Variants in SMC2 observed in about 807,000 individuals in gnomAD.
The protein encoded by SMC2 is structural maintenance of chromosomes protein 2.
Under a neutral mutation model 142.6 loss-of-function variants are expected in SMC2, and 41 were observed. The ratio of observed to expected loss-of-function variants is 0.29; its 90% CI spans 0.22 to 0.37. The LOEUF is 0.37. SMC2 is among the 10% of genes least tolerant of loss of function. The pLI is 1.00. For synonymous variants in SMC2, 463 were observed against 457.5 expected, an observed-to-expected ratio of 1.01 and a Z score of -0.15; for missense variants, 1,265 against 1,373.7, an observed-to-expected ratio of 0.92 and a Z score of 1.25.
At chr9:104,105,653 A>G (rs1311345299) in intron 9 of SMC2, among the ~76,000 whole-genome samples, 2 of 152,092 alleles carry the variant, frequency 1.3e-5, no homozygotes, top group East Asian at 3.9e-4. Flanking sequence ...GTTTTGCCAC[A>G]GTTAAGTTAA....
rs113568977 is a variant in SMC2 at position 104,140,722 on chromosome 9, T to TAC, written c.*1408_*1409insCA. On this transcript the variant is annotated 3_prime_UTR_variant, in exon 25 of 25. Coordinates refer to ENST00000374793, the MANE Select transcript of SMC2 (RefSeq NM_006444.3). Reference sequence around the variant, plus strand: ...GTTACAGAAAGTCCAATGTCAAATATAGTTTTTTTGTTTCCTTTCAAATGT... The same window carrying TAC: ...GTTACAGAAAGTCCAATGTCAAATATACAGTTTTTTTGTTTCCTTTCAAATGT... 8,616 of 152,608 alleles carry TAC rather than the reference T, an allele frequency of 0.056. 650 individuals are homozygous for TAC. The highest frequency in any genetic ancestry group is 0.18 in the African/African-American group (7,433 of 41,476). The allele number at this position is 152,608 out of a possible 1,614,324, so 9.5% of individuals were successfully genotyped here.
intron 7 of SMC2, among the ~76,000 whole-genome samples, chr9:104,100,992 C>T (rs1831057243): frequency 6.6e-6 from 1 of 152,162 alleles, no homozygotes; most frequent in African/African-American, 2.4e-5. Context: ...GGCTGGAGTG[C>T]AGTGGTGTCA....
chr9:104,111,173 T>C (rs760279414), intron 9 of SMC2, among the ~76,000 whole-genome samples: 1 of 152,246 alleles, frequency 6.6e-6, no homozygotes, highest in Non-Finnish European at 1.5e-5. Context: ...TCAAATTTTA[T>C]GGCTCTTGAC....
chr9:104,116,345 A>ATGTT (rs2131416809), intron 14 of SMC2, 26 bp downstream of exon 14: 1 of 1,583,370 alleles, frequency 6.3e-7, no homozygotes, highest in Non-Finnish European at 8.6e-7. Context: ...TCTTATTTAT[A>ATGTT]TGTTTAATCG....
In SMC2 at chr9:104,138,296, A is replaced by G. The variant is rs538661548; in HGVS notation, c.3417+131A>G. Reference sequence around the variant, plus strand: ...ATACTAAAGCATTGTATATCTATTTAAATAGACTTATGTTTAAATAGGTAT... The same window carrying G: ...ATACTAAAGCATTGTATATCTATTTGAATAGACTTATGTTTAAATAGGTAT... On this transcript the variant is annotated intron_variant, in intron 24 of 24. Transcript: ENST00000374793. 74 of 669,790 alleles carry G rather than the reference A, an allele frequency of 1.1e-4. No homozygotes were observed. The South Asian group carries it at 2.1e-3, about 19-fold the overall frequency. The allele number at this position is 669,790 out of a possible 1,614,324, so 41.5% of individuals were successfully genotyped here.
At chr9:104,108,586 A>G (rs1490250174) in intron 9 of SMC2, among the ~76,000 whole-genome samples, 8 of 152,132 alleles carry the variant, frequency 5.3e-5, no homozygotes, top group South Asian at 2.1e-4. Context: ...GAGCAATTAC[A>G]TGTGTCCAAC....
At position 104,099,646 on chromosome 9, in the gene SMC2, C is replaced by T; in HGVS notation, c.444C>T (p.Gly148=). The T allele has an allele frequency of 6.4e-7, 1 of 1,569,020 alleles. No homozygotes were observed. The highest frequency in any genetic ancestry group is 8.8e-7 in the Non-Finnish European group (1 of 1,140,404). ...TAAGTTTGCTATTTTATTTTCAGGG[C>T]CGAATTACAAAAGTATTGAATATGA... ...VNNPHFLIMQ[G]RITKVLNMKP... is the part of the protein sequence containing the mutation. The change falls in exon 5 of 25, where the codon GGC becomes GGT. Residue 148 remains glycine, a splice_region_variant and synonymous_variant. Transcript: ENST00000374793.
At chr9:104,118,410 T>C (rs1833368851) in intron 15 of SMC2, 35 bp downstream of exon 15, 3 of 1,558,996 alleles carry the variant, frequency 1.9e-6, no homozygotes. Context: ...CACAATTCTT[T>C]GTGGTAAATA....
chr9:104,111,807 C>CCAAA lies in SMC2; in HGVS notation c.1250_1253dup (p.Ala419ThrfsTer16). ...GATATAAGTAAAGCTCAGACAGAAG[C>CCAAA]CAAACAGGTAAATAGAGACATTAGC... On this transcript the variant is annotated frameshift_variant, in exon 10 of 25. Coordinates refer to ENST00000374793, the MANE Select transcript of SMC2 (RefSeq NM_006444.3). LOFTEE classifies it high-confidence loss of function. The CCAAA allele has an allele frequency of 6.2e-7, 1 of 1,610,412 alleles. No individual in the cohort carries two copies. The highest frequency in any genetic ancestry group is 8.5e-7 in the Non-Finnish European group (1 of 1,177,842).
At chr9:104,103,544 G>T (rs1349833637) in intron 9 of SMC2, among the ~76,000 whole-genome samples, 1 of 152,214 alleles carries the variant, frequency 6.6e-6, no homozygotes, top group African/African-American at 2.4e-5. Flanking sequence ...GTAGCTGCAA[G>T]TAGGATAGGA....
rs373195767 is a variant in SMC2, at chr9:104,098,517, C to T, written c.390C>T (p.Leu130=). The change falls in exon 4 of 25, where the codon CTC becomes CTT. Residue 130 remains leucine, a synonymous_variant. Transcript: ENST00000374793. ...CCAACAACACCAGAGTACAGGATCT[C>T]TTCTGTTCTGTTGGCCTTAATGTTA... ...VNANNTRVQD[L]FCSVGLNVNN... The T allele has an allele frequency of 2.5e-5, 40 of 1,599,640 alleles. No homozygotes were observed. In the African/African-American group the frequency reaches 5.1e-4, roughly 21 times the overall value.
At chr9:104,132,913 T>C (rs1018490980) in intron 22 of SMC2, among the ~76,000 whole-genome samples, 1 of 151,710 alleles carries the variant, frequency 6.6e-6, no homozygotes, top group Non-Finnish European at 1.5e-5. Context: ...TCTAAACATA[T>C]CCTGCTCTTC....
In SMC2 at chr9:104,095,309, TTC is replaced by T; in HGVS notation, c.-61-13_-61-12del. ...TTACATTCCACTTAGGTGGTGGTAT[TTC>T]TGTTTCGTACAGAACTGGTTTGTGG... On this transcript the variant is annotated splice_polypyrimidine_tract_variant and intron_variant, in intron 1 of 24. Transcript: ENST00000374793. 8.3e-7 allele frequency: 1 copy of T among 1,211,024 alleles called. No individual in the cohort carries two copies. The highest frequency in any genetic ancestry group is 1.2e-6 in the Non-Finnish European group (1 of 850,298). 75.0% of individuals were successfully genotyped at this position (1,211,024 alleles called of 1,614,324 possible).
chr9:104,109,698 C>G (rs774537164), intron 9 of SMC2, among the ~76,000 whole-genome samples: 1 of 151,826 alleles, frequency 6.6e-6, no homozygotes, highest in Non-Finnish European at 1.5e-5. Flanking sequence ...TGGAGGTTTG[C>G]AACAATTTGA....
At chr9:104,110,402 A>G (rs1010053357) in intron 9 of SMC2, among the ~76,000 whole-genome samples, 5 of 152,170 alleles carry the variant, frequency 3.3e-5, no homozygotes, top group Non-Finnish European at 7.3e-5. Context: ...TGCTTTTAAT[A>G]TCTTTTTTCT....
At chr9:104,106,297 G>C (rs1373286552) in intron 9 of SMC2, among the ~76,000 whole-genome samples, 1 of 152,192 alleles carries the variant, frequency 6.6e-6, no homozygotes, top group African/African-American at 2.4e-5. Flanking sequence ...TCTTTCAAGG[G>C]TAGCATCAGG....
chr9:104,129,061 G>A (rs539807470), intron 20 of SMC2, among the ~76,000 whole-genome samples: 19 of 152,254 alleles, frequency 1.2e-4, no homozygotes, highest in Non-Finnish European at 2.2e-4. Context: ...GGTGCTTTGC[G>A]TATACTTCGT....
At chr9:104,122,470 G>GC (rs886646542) in intron 16 of SMC2, among the ~76,000 whole-genome samples, 1 of 143,106 alleles carries the variant, frequency 7.0e-6, no homozygotes, top group East Asian at 2.0e-4. Flanking sequence ...TATAAGTTTT[G>GC]TTTTTTTTTT....
Position 104,111,682 on chromosome 9 carries a change from A to G in SMC2, c.1122A>G (p.Ala374=). ...EASNKDAEAL[A]AAQQHFNAVS... ...GTAATAAAGATGCTGAAGCTCTGGCAGCTGCACAGCAGCACTTCAATGCTG... is the reference window on the plus strand; with the variant it reads ...GTAATAAAGATGCTGAAGCTCTGGCGGCTGCACAGCAGCACTTCAATGCTG... The change falls in exon 10 of 25, where the codon GCA becomes GCG. Residue 374 remains alanine (A), a synonymous_variant. Transcript: ENST00000374793. 9.3e-6 allele frequency: 15 copies of G among 1,614,052 alleles called. No homozygotes were observed. The highest frequency in any genetic ancestry group is 1.1e-5 in the Non-Finnish European group (13 of 1,179,896).
Sources: allele counts gnomAD v4.1 joint callset (sites outside exome capture counted in the v4.1 genomes callset), GRCh38; gene constraint gnomAD v4.1.1; transcripts MANE v1.5; gene names NCBI Gene and HGNC (gene_info 2026-07-23, HGNC 2026-07-21).